Variants in DMD observed in about 807,000 individuals in gnomAD.
DMD encodes dystrophin.
DMD carries 63 observed loss-of-function variants against 330.1 expected under a neutral mutation model. That is an observed-to-expected ratio of 0.19 (90% CI 0.16 to 0.24). The LOEUF (loss-of-function observed/expected upper bound fraction) is 0.24, where lower values mean the gene tolerates loss of function less well. Among genes scored for constraint, DMD ranks in the 10% least tolerant of loss-of-function variants. The pLI is 1.00. For missense variants in DMD, 3,344 were observed against 2,684.1 expected (o/e 1.25, Z -5.43); for synonymous variants, 1,223 against 959.8 (o/e 1.27, Z -5.07).
At chrX:31,961,597 A>T (rs759409882) in intron 45 of DMD, among the ~76,000 whole-genome samples, 48 of 111,451 alleles carry the variant, frequency 4.3e-4, no homozygotes, top group African/African-American at 1.4e-3. Context: ...AGGGGCAAGA[A>T]AACCTTAAGA....
chrX:32,553,976 G>C (rs1360670593), intron 16 of DMD, among the ~76,000 whole-genome samples: 1 of 112,299 alleles, frequency 8.9e-6, no homozygotes, highest in African/African-American at 3.2e-5. Context: ...ACCTCCCTGA[G>C]GGGGCTTCAG....
intron 50 of DMD, among the ~76,000 whole-genome samples, chrX:31,796,782 C>CT (rs2091851539): frequency 9.0e-6 from 1 of 111,638 alleles, no homozygotes; most frequent in Non-Finnish European, 1.9e-5. Context: ...TCTTGAATGG[C>CT]TTAATGCCCT....
At chrX:31,583,081 A>G (rs961606023) in intron 55 of DMD, among the ~76,000 whole-genome samples, 1 of 112,274 alleles carries the variant, frequency 8.9e-6, no homozygotes, top group African/African-American at 3.2e-5. Flanking sequence ...CAAAAGCCCA[A>G]CCAAATAGAG....
chrX:32,242,312 G>A (rs1300989217), intron 43 of DMD, among the ~76,000 whole-genome samples: 3 of 111,505 alleles, frequency 2.7e-5, no homozygotes, highest in African/African-American at 6.5e-5. Context: ...CCTAAGTCCT[G>A]TTACAGAAGA....
intron 44 of DMD, chrX:32,206,375 T>A (rs1160584808): frequency 3.9e-6 from 2 of 508,266 alleles, no homozygotes; most frequent in African/African-American, 4.7e-5. Flanking sequence ...CTGATGAAGA[T>A]GATGATTTTG....
chrX:32,086,839 A>T (rs2096442862), intron 44 of DMD, among the ~76,000 whole-genome samples: 1 of 111,998 alleles, frequency 8.9e-6, no homozygotes, highest in East Asian at 2.8e-4. Flanking sequence ...CTTCCGAAGA[A>T]AAAGAAAAAG....
intron 1 of DMD, among the ~76,000 whole-genome samples, chrX:33,223,342 A>C (rs2052223607): frequency 8.9e-6 from 1 of 111,809 alleles, no homozygotes; most frequent in South Asian, 3.7e-4. Context: ...AACAAAAACA[A>C]TATTGAAGGA....
intron 13 of DMD, among the ~76,000 whole-genome samples, chrX:32,580,585 T>C (rs1449118523): frequency 1.8e-5 from 2 of 111,801 alleles, no homozygotes; most frequent in African/African-American, 6.5e-5. Context: ...ATTATTGAGA[T>C]GCTTGTGATA....
At chrX:32,595,004 T>A (rs1160619537) in intron 13 of DMD, among the ~76,000 whole-genome samples, 1 of 111,718 alleles carries the variant, frequency 9.0e-6, no homozygotes, top group Non-Finnish European at 1.9e-5. Context: ...TAGTCTAGAT[T>A]ATCTTAAAGT....
intron 44 of DMD, among the ~76,000 whole-genome samples, chrX:32,103,988 G>A (rs1363547135): frequency 9.0e-6 from 1 of 111,416 alleles, no homozygotes; most frequent in Non-Finnish European, 1.9e-5. Context: ...TTCATCATTG[G>A]ACAGCAATGA....
chrX:32,771,930 T>C (rs1437561234), intron 7 of DMD, among the ~76,000 whole-genome samples: 3 of 111,773 alleles, frequency 2.7e-5, no homozygotes, highest in South Asian at 3.7e-4. Flanking sequence ...TACCAATATA[T>C]TTATATAGAG....
At chrX:33,320,887 A>C (rs768828553) in intron 1 of DMD, among the ~76,000 whole-genome samples, 15 of 112,288 alleles carry the variant, frequency 1.3e-4, no homozygotes, top group Non-Finnish European at 2.3e-4. Flanking sequence ...CACCAGAAGT[A>C]AATTTTATCT....
chrX:31,569,630 ACG>A (rs776808253), intron 55 of DMD, among the ~76,000 whole-genome samples: 1 of 99,391 alleles, frequency 1.0e-5, no homozygotes, highest in African/African-American at 3.8e-5. Context: ...ATACGTATAT[ACG>A]TATATATATG....
intron 7 of DMD, among the ~76,000 whole-genome samples, chrX:32,750,967 G>A: frequency 8.9e-6 from 1 of 111,907 alleles, no homozygotes; most frequent in Non-Finnish European, 1.9e-5. Context: ...ATCCATGTAA[G>A]ACGTGACTTG....
intron 55 of DMD, among the ~76,000 whole-genome samples, chrX:31,606,371 T>C (rs1372766710): frequency 6.3e-5 from 7 of 111,935 alleles, no homozygotes; most frequent in Non-Finnish European, 9.4e-5. Context: ...ATAAATCATA[T>C]AGGTGGATAA....
intron 1 of DMD, among the ~76,000 whole-genome samples, chrX:33,264,793 G>T (rs1204583650): frequency 9.0e-6 from 1 of 110,694 alleles, no homozygotes; most frequent in Admixed American, 9.7e-5. Context: ...TAAGGAGCAG[G>T]TTACAATTTC....
chrX:32,184,095 A>G (rs772768707), intron 44 of DMD, among the ~76,000 whole-genome samples: 90 of 110,840 alleles, frequency 8.1e-4, no homozygotes, highest in Non-Finnish European at 1.3e-3. Flanking sequence ...ACTAAGATAT[A>G]TGTTTATGCC....
chrX:32,964,085 G>A (rs1271094161), intron 2 of DMD, among the ~76,000 whole-genome samples: 6 of 107,990 alleles, frequency 5.6e-5, no homozygotes, highest in African/African-American at 1.7e-4. Flanking sequence ...GTGAAACCCC[G>A]TCTCTACTAA....
rs182127844 is a variant in DMD at position 31,211,846 on chromosome X, T to C, written c.9362-2147A>G. On this transcript the variant is annotated intron_variant, in intron 64 of 78. Coordinates refer to ENST00000357033, the MANE Select transcript of DMD (RefSeq NM_004006.3). ...CCATCACAGAAGACTGAAGAGCACA[T>C]TTCCCTAAACAAACATGTCAAACAG... Among the ~76,000 whole-genome samples, 659 of 112,012 alleles carry C rather than the reference T, an allele frequency of 5.9e-3. 6 individuals are homozygous for C. The highest frequency in any genetic ancestry group is 0.052 in the South Asian group (139 of 2,675).
Sources: gnomAD v4.1 joint callset for allele counts (sites outside exome capture counted in the v4.1 genomes callset) on GRCh38, gnomAD v4.1.1 for gene constraint, MANE v1.5 for transcripts, NCBI Gene and HGNC (gene_info 2026-07-23, HGNC 2026-07-21) for gene names.